Variants in MYBPC3 observed in about 807,000 individuals in gnomAD.
MYBPC3 encodes the protein myosin-binding protein C, cardiac-type.
In MYBPC3, 108 loss-of-function variants were observed where a neutral mutation model predicts 159.3. The observed-to-expected ratio is 0.68, with a 90% confidence interval of 0.58 to 0.80. MYBPC3 has a LOEUF of 0.80. Among genes scored for constraint, MYBPC3 ranks in the 30% least tolerant of loss-of-function variants. The pLI is 0.00. For missense variants in MYBPC3, 1,631 were observed against 1,762.1 expected (o/e 0.93, Z 1.33); for synonymous variants, 730 against 702.0 (o/e 1.04, Z -0.63).
At chr11:47,340,146 T>G (rs2095886915) in intron 20 of MYBPC3, among the ~76,000 whole-genome samples, 1 of 151,030 alleles carries the variant, frequency 6.6e-6, no homozygotes, top group South Asian at 2.1e-4. Context: ...CATATACACA[T>G]ACACACAGAC....
chr11:47,347,089 G>C (rs928387481), intron 9 of MYBPC3, 60 bp from the exon 10 acceptor site: 16 of 938,806 alleles, frequency 1.7e-5, no homozygotes, highest in Non-Finnish European at 1.0e-5. Flanking sequence ...AGAGAGGGCA[G>C]AGAGAACATA....
chr11:47,347,134 C>T lies in MYBPC3; in HGVS notation c.906-105G>A, dbSNP rs536656655. Reference sequence around the variant, plus strand: ...GGCCGACCTGGTAGACCCTGCAGCTCTGGGGACCCTCTCTCTGTTCCTTCT... The same window carrying T: ...GGCCGACCTGGTAGACCCTGCAGCTTTGGGGACCCTCTCTCTGTTCCTTCT... On this transcript the variant is annotated intron_variant, in intron 9 of 34. Coordinates refer to ENST00000545968, the MANE Select transcript of MYBPC3 (RefSeq NM_000256.3). 20 of 1,369,718 alleles carry T rather than the reference C, an allele frequency of 1.5e-5. No individual in the cohort carries two copies. In the African/African-American group the frequency reaches 2.9e-4, roughly 20 times the overall value. The allele number at this position is 1,369,718 out of a possible 1,614,324, so 84.8% of individuals were successfully genotyped here.
rs536992370 is a variant in MYBPC3 at position 47,351,966 on chromosome 11, G to A, written c.26-461C>T. ...TGGCCTGGGAGGGCGCTGGGGGATGGGGACCTGGATCTCTGCCCTGGACAA... is the reference window on the plus strand; with the variant it reads ...TGGCCTGGGAGGGCGCTGGGGGATGAGGACCTGGATCTCTGCCCTGGACAA... On this transcript the variant is annotated intron_variant, in intron 1 of 34. Transcript: ENST00000545968. This position sits in a 1 kb window ranked among gnomAD's most constrained non-coding sequence, Gnocchi z 4.2. Among the ~76,000 whole-genome samples the A allele has an allele frequency of 9.9e-5, 15 of 152,084 alleles. No homozygotes were observed. The highest frequency in any genetic ancestry group is 2.2e-4 in the Non-Finnish European group (15 of 68,010).
rs775890771 is a variant in MYBPC3, at chr11:47,337,391, C to T, written c.2602G>A (p.Gly868Ser). Reference protein sequence around the residue: ...SPASQPFMPIGPPSEPTHLAV... With the variant: ...SPASQPFMPISPPSEPTHLAV... ...GCAGGACCAGGCCAGGCAGGCTCAC[C>T]GATAGGCATGAAGGGCTGGGAGGCA... Residue 868 changes from glycine to serine, a missense_variant and splice_region_variant, in exon 25 of 35, where the codon GGT (glycine) becomes AGT (serine). Transcript: ENST00000545968. 4.4e-5 allele frequency: 70 copies of T among 1,580,388 alleles called. No individual in the cohort carries two copies. The highest frequency in any genetic ancestry group is 3.6e-4 in the South Asian group (32 of 88,350).
rs1323097421 is a variant in MYBPC3 at position 47,347,872 on chromosome 11, G to A, written c.806C>T (p.Ser269Leu). 2 of 1,570,168 alleles carry A rather than the reference G, an allele frequency of 1.3e-6. No homozygotes were observed. Among genetic ancestry groups the A allele is most frequent in the Admixed American group, 3.8e-5 (2 of 53,142 alleles). The change falls in exon 7 of 35, where the codon TCA becomes TTA. Residue 269 changes from serine (S) to leucine (L), a missense_variant. Physicochemically the swap from Ser to Leu is moderately radical, Grantham distance 145. Transcript: ENST00000545968. Reference sequence around the variant, plus strand: ...GGCCACTCACGTGCGGCGGAAGGCTGATAGGAGGTCCAGGTCTCCGGTGCC... The same window carrying A: ...GGCCACTCACGTGCGGCGGAAGGCTAATAGGAGGTCCAGGTCTCCGGTGCC... ...AMGTGDLDLL[S>L]AFRRTSLAGG...
At position 47,334,941 on chromosome 11, in the gene MYBPC3, G is replaced by A. The variant is rs1489694688; in HGVS notation, c.2905+101C>T. The A allele has an allele frequency of 2.0e-5, 26 of 1,310,860 alleles. No individual in the cohort carries two copies. In the Admixed American group the frequency reaches 2.8e-4, roughly 14 times the overall value. 81.2% of individuals were successfully genotyped at this position (1,310,860 alleles called of 1,614,324 possible). On this transcript the variant is annotated intron_variant, in intron 27 of 34. Transcript: ENST00000545968. ...CTCCTGTCTCTGCCCAGCGTTCTGG[G>A]CAGAGCATTCTGGGCCTCCCCAACT...
chr11:47,346,485 T>G lies in MYBPC3; in HGVS notation c.927-115A>C. The G allele has an allele frequency of 6.9e-7, 1 of 1,448,056 alleles. No individual in the cohort carries two copies. The highest frequency in any genetic ancestry group is 1.4e-5 in the South Asian group (1 of 70,414). 89.7% of individuals were successfully genotyped at this position (1,448,056 alleles called of 1,614,324 possible). A position where few individuals can be genotyped will look rare whatever the true frequency, so the allele number is the denominator to read the frequency against. ...ACCCCTGTCCCTCTGCCCCTTCCCT[T>G]CTGGTGGGGCAGCTGGAGCTGCTCT... On this transcript the variant is annotated intron_variant, in intron 11 of 34. Transcript: ENST00000545968. This position sits in a 1 kb window ranked among gnomAD's most constrained non-coding sequence, Gnocchi z 5.3.
rs749622191 is a variant in MYBPC3 at position 47,343,632 on chromosome 11, C to T, written c.1091-8G>A. ...CCAGCTTCTTCTGAAAGGCTGAGCA[C>T]CACCCCTCAGCCCCGGCCACCCCAC... On this transcript the variant is annotated splice_region_variant and splice_polypyrimidine_tract_variant and intron_variant, in intron 12 of 34. Transcript: ENST00000545968. The T allele has an allele frequency of 1.9e-6, 3 of 1,606,056 alleles. No individual in the cohort carries two copies. In the East Asian group the frequency reaches 6.7e-5, roughly 36 times the overall value.
rs867419007 is a variant in MYBPC3, at chr11:47,350,543, G to T, written c.365C>A (p.Ala122Asp). 5 of 1,553,512 alleles carry T rather than the reference G, an allele frequency of 3.2e-6. No individual in the cohort carries two copies. The African/African-American group carries it at 7.0e-5, about 22-fold the overall frequency. Residue 122 changes from alanine (A) to aspartate (D), a missense_variant, in exon 3 of 35, where the codon GCC (alanine) becomes GAC (aspartate). By Grantham distance (126) the Ala-to-Asp change is moderately radical. Transcript: ENST00000545968. Reference protein sequence around the residue: ...EATGAPGEAPAPAAELGESAP... With the variant: ...EATGAPGEAPDPAAELGESAP... ...ACTTTCTCCCAGCTCAGCGGCTGGG[G>T]CCGGGGCTTCTCCAGGGGCTCCAGT...
At chr11:47,348,927 T>TATATATATATATATATATATA (rs1555123220) in intron 5 of MYBPC3, among the ~76,000 whole-genome samples, 131 of 126,210 alleles carry the variant, frequency 1.0e-3, no homozygotes, top group Non-Finnish European at 1.4e-3. Context: ...TATATATATA[T>TATATATATATATATATATATA]TTAAAGGAGG....
rs397515925 is a variant in MYBPC3, at chr11:47,351,343, CGTGTGCCCTCT to C, written c.177_187del (p.Glu60AlafsTer49). ...CACTTCCCGCACTGTCAGCGTATGCCGTGTGCCCTCTGTGGCCAGGCCGTACTTGTTGCTGG... is the reference window on the plus strand; with the variant it reads ...CACTTCCCGCACTGTCAGCGTATGCCGTGGCCAGGCCGTACTTGTTGCTGG... On this transcript the variant is annotated frameshift_variant, in exon 2 of 35. Coordinates refer to ENST00000545968, the MANE Select transcript of MYBPC3 (RefSeq NM_000256.3). LOFTEE classifies it high-confidence loss of function. This position sits in a 1 kb window ranked among gnomAD's most constrained non-coding sequence, Gnocchi z 4.2. 2.5e-6 allele frequency: 4 copies of C among 1,600,010 alleles called. No individual in the cohort carries two copies. The highest frequency in any genetic ancestry group is 3.4e-6 in the Non-Finnish European group (4 of 1,173,820).
chr11:47,341,090 G>T, intron 19 of MYBPC3, 48 bp downstream of exon 19: 1 of 1,565,566 alleles, frequency 6.4e-7, no homozygotes. Context: ...AGTGACAGGG[G>T]CTCCTGGCCC....
At position 47,337,382 on chromosome 11, in the gene MYBPC3, C is replaced by T. The variant is rs960769310; in HGVS notation, c.2602+9G>A. The T allele has an allele frequency of 1.3e-5, 20 of 1,571,242 alleles. No individual in the cohort carries two copies. Among genetic ancestry groups the T allele is most frequent in the Non-Finnish European group, 1.6e-5 (18 of 1,157,698 alleles). The stretch of plus-strand genomic sequence containing the variant: ...GGGCGGGGGGCAGGACCAGGCCAGG[C>T]AGGCTCACCGATAGGCATGAAGGGC... On this transcript the variant is annotated intron_variant, in intron 25 of 34. Transcript: ENST00000545968.
Position 47,338,405 on chromosome 11 carries a change from C to T in MYBPC3, c.2308+115G>A, listed in dbSNP as rs887281425. On this transcript the variant is annotated intron_variant, in intron 23 of 34. Coordinates refer to ENST00000545968, the MANE Select transcript of MYBPC3 (RefSeq NM_000256.3). The surrounding 1 kb of genome is among the most constrained non-coding windows in gnomAD (Gnocchi z 4.7). ...GGCAGAAAAACCTGTCCTGTTGCCG[C>T]TCGGCTCAGGGAGCATGCCCGTGAT... 19 of 1,467,056 alleles carry T rather than the reference C, an allele frequency of 1.3e-5. No individual in the cohort carries two copies. In the African/African-American group the frequency reaches 2.5e-4, roughly 19 times the overall value. 90.9% of individuals were successfully genotyped at this position (1,467,056 alleles called of 1,614,324 possible).
In MYBPC3 at chr11:47,342,968, C is replaced by G. The variant is rs763415152; in HGVS notation, c.1352-33G>C. On this transcript the variant is annotated intron_variant, in intron 15 of 34. Coordinates refer to ENST00000545968, the MANE Select transcript of MYBPC3 (RefSeq NM_000256.3). ...GGCAGGGTGAGCATGAGGGTTGGCTCCCCTGAGGCCATCTCCTCCCCAGGT... is the reference window on the plus strand; with the variant it reads ...GGCAGGGTGAGCATGAGGGTTGGCTGCCCTGAGGCCATCTCCTCCCCAGGT... The G allele has an allele frequency of 9.9e-6, 16 of 1,611,774 alleles. 1 individual carries two copies. The South Asian group carries it at 1.8e-4, about 18-fold the overall frequency.
At position 47,343,507 on chromosome 11, in the gene MYBPC3, A is replaced by C; in HGVS notation, c.1208T>G (p.Ile403Ser). The C allele has an allele frequency of 1.3e-6, 2 of 1,538,656 alleles. No homozygotes were observed. The highest frequency in any genetic ancestry group is 1.8e-6 in the Non-Finnish European group (2 of 1,139,554). The part of the protein sequence containing the change: ...EVKWLKNGQE[I>S]QMSGSKYIFE... Reference sequence around the variant, plus strand: ...CAGGCTGCACCTGCCGCTCATCTGGATCTCCTGGCCATTCTTGAGCCATTT... The same window carrying C: ...CAGGCTGCACCTGCCGCTCATCTGGCTCTCCTGGCCATTCTTGAGCCATTT... The change falls in exon 13 of 35, where the codon ATC becomes AGC. Residue 403 changes from isoleucine to serine, a missense_variant. Physicochemically the swap from Ile to Ser is moderately radical, Grantham distance 142 (BLOSUM62 -2). Coordinates refer to ENST00000545968, the MANE Select transcript of MYBPC3 (RefSeq NM_000256.3).
In MYBPC3 at chr11:47,339,702, A is replaced by G. The variant is rs775127671; in HGVS notation, c.2016T>C (p.Pro672=). ...VAGNKLRLDV[P]ISGDPAPTVI... ...CAGTGGGAGCAGGGTCCCCAGAGAT[A>G]GGGACGTCCAGACGTAGCTTATTTC... is the stretch of plus-strand genomic sequence containing the variant. The change falls in exon 21 of 35, where the codon CCT becomes CCC. Residue 672 remains proline, a synonymous_variant. Transcript: ENST00000545968. 2 of 1,613,608 alleles carry G rather than the reference A, an allele frequency of 1.2e-6. No individual in the cohort carries two copies. The highest frequency in any genetic ancestry group is 4.5e-5 in the East Asian group (2 of 44,870).
At chr11:47,347,984 C>T (rs2095896165) in intron 6 of MYBPC3, 79 bp from the exon 7 acceptor site, 2 of 1,374,450 alleles carry the variant, frequency 1.5e-6, no homozygotes, top group African/African-American at 2.9e-5. Context: ...GGGGCGGCCT[C>T]TGAGTATTCA....
chr11:47,342,957 G>A (rs769928147), intron 15 of MYBPC3, 22 bp from the exon 16 acceptor site: 17 of 1,611,412 alleles, frequency 1.1e-5, no homozygotes, highest in Middle Eastern at 1.6e-4. Context: ...GGGTGAGCAT[G>A]AGGGTTGGCT....
Sources: allele counts gnomAD v4.1 joint callset (sites outside exome capture counted in the v4.1 genomes callset), GRCh38; gene constraint gnomAD v4.1.1; non-coding constraint Gnocchi (gnomAD v3.1); transcripts MANE v1.5; gene names NCBI Gene and HGNC (gene_info 2026-07-23, HGNC 2026-07-21).